The following NKX3-2 variants were observed in gnomAD, a reference collection of about 807,000 sequenced individuals.
NKX3-2 encodes NK3 homeobox 2, also known as homeobox protein Nkx-3.2.
In NKX3-2, 13 loss-of-function variants were observed where a neutral mutation model predicts 19.4. That is an observed-to-expected ratio of 0.67 (90% CI 0.44 to 1.07). The LOEUF (loss-of-function observed/expected upper bound fraction) is 1.07, where lower values mean the gene tolerates loss of function less well. Among genes scored for constraint, NKX3-2 ranks in the 50% least tolerant of loss-of-function variants. The pLI is 0.00. For missense variants in NKX3-2, 562 were observed against 488.2 expected, an observed-to-expected ratio of 1.15 and a Z score of -1.42; for synonymous variants, 269 against 230.5, an observed-to-expected ratio of 1.17 and a Z score of -1.51.
In NKX3-2 at chr4:13,542,439, C is replaced by T. The variant is rs749333309; in HGVS notation, c.556G>A (p.Gly186Ser). 1.3e-6 allele frequency: 2 copies of T among 1,561,666 alleles called. No individual in the cohort carries two copies. The highest frequency in any genetic ancestry group is 1.4e-5 in the African/African-American group (1 of 73,334). ...TCCGCGACGCCTGCCGGCCCGCTGCCGCCCCCGCCGCCGGCCCCGCTGCAC... is the reference window on the plus strand; with the variant it reads ...TCCGCGACGCCTGCCGGCCCGCTGCTGCCCCCGCCGCCGGCCCCGCTGCAC... ...ALCSGAGGGG[G>S]SGPAGVAEEE... Residue 186 changes from glycine (G) to serine (S), a missense_variant, in exon 2 of 2, where the codon GGC (glycine) becomes AGC (serine). Physicochemically the swap from Gly to Ser is moderately conservative, Grantham distance 56 (BLOSUM62 0). Transcript: ENST00000382438. The surrounding 1 kb of genome is among the most constrained non-coding windows in gnomAD (Gnocchi z 6.4).
In NKX3-2 at chr4:13,543,804, C is replaced by A. The variant is rs554334123; in HGVS notation, c.466+145G>T. ...CAGTTCCCGAAGTGATAGAGCAGCT[C>A]GCGCCAGAGCGCAGAACTTCGGGAT... On this transcript the variant is annotated intron_variant, in intron 1 of 1. Coordinates refer to ENST00000382438, the MANE Select transcript of NKX3-2 (RefSeq NM_001189.4). The surrounding 1 kb of genome is among the most constrained non-coding windows in gnomAD (Gnocchi z 7.1). 5.4e-6 allele frequency: 4 copies of A among 737,916 alleles called. No individual in the cohort carries two copies. The highest frequency in any genetic ancestry group is 3.7e-5 in the African/African-American group (2 of 53,420). The allele number at this position is 737,916 out of a possible 1,614,324, so 45.7% of individuals were successfully genotyped here.
Position 13,544,220 on chromosome 4 carries a change from G to T in NKX3-2, c.195C>A (p.Gly65=). 3.1e-6 allele frequency: 5 copies of T among 1,592,754 alleles called. No homozygotes were observed. In the East Asian group the frequency reaches 9.1e-5, roughly 29 times the overall value. Residue 65 remains glycine (G), a synonymous_variant, in exon 1 of 2, where the codon GGC becomes GGA. Transcript: ENST00000382438. The stretch of plus-strand genomic sequence containing the variant: ...GAGACGCCAGCAGAGAGTCCTCGGC[G>T]CCCCCCAACGCGCCCGCGTCCCTCT... ...FGERDAGALG[G]AEDSLLASPA...
Position 13,542,426 on chromosome 4 carries a change from G to C in NKX3-2, c.569C>G (p.Ala190Gly), listed in dbSNP as rs1294851494. The change falls in exon 2 of 2, where the codon GCA (alanine) becomes GGA (glycine). Residue 190 changes from alanine (A) to glycine (G), a missense_variant. By Grantham distance (60) the Ala-to-Gly change is moderately conservative (BLOSUM62 0). Transcript: ENST00000382438. This position sits in a 1 kb window ranked among gnomAD's most constrained non-coding sequence, Gnocchi z 6.4. ...CTCCTCCTCCTCCTCCGCGACGCCT[G>C]CCGGCCCGCTGCCGCCCCCGCCGCC... ...GAGGGGGSGP[A>G]GVAEEEEEPA... 7 of 1,544,336 alleles carry C rather than the reference G, an allele frequency of 4.5e-6. No individual in the cohort carries two copies. The highest frequency in any genetic ancestry group is 5.2e-6 in the Non-Finnish European group (6 of 1,151,824).
chr4:13,544,127 C>G lies in NKX3-2; in HGVS notation c.288G>C (p.Ala96=), dbSNP rs1458203761. 1 of 1,603,780 alleles carries G rather than the reference C, an allele frequency of 6.2e-7. No homozygotes were observed. The highest frequency in any genetic ancestry group is 1.1e-5 in the South Asian group (1 of 89,818). The change falls in exon 1 of 2, where the codon GCG becomes GCC. Residue 96 remains alanine (A), a synonymous_variant. Transcript: ENST00000382438. ...GCCTGCTCTCGTTCTCCTCGCTGAG[C>G]GCGGAGTCCGAGTCCCAGCCTTCCG... The part of the protein sequence containing the change: ...ESPEGWDSDS[A]LSEENESRRR...
rs1718020629 is a variant in NKX3-2, at chr4:13,542,696, T to C, written c.467-168A>G. 6.6e-6 allele frequency among the ~76,000 whole-genome samples: 1 copy of C among 152,132 alleles called. No individual in the cohort carries two copies. The highest frequency in any genetic ancestry group is 1.5e-5 in the Non-Finnish European group (1 of 68,022). ...TGGGCCCGGGAGACCAGTCTTAGAC[T>C]CTTGCCCCACTGGGTATCCCATCTA... On this transcript the variant is annotated intron_variant, in intron 1 of 1. Transcript: ENST00000382438. This position sits in a 1 kb window ranked among gnomAD's most constrained non-coding sequence, Gnocchi z 6.4.
chr4:13,544,793 G>T (rs1718088334), upstream of NKX3-2: 1 of 160,464 alleles, frequency 6.2e-6, no homozygotes, highest in Non-Finnish European at 1.4e-5. Flanking sequence ...CCCGAGCGCC[G>T]CCGGGGCGCA....
chr4:13,541,974 T>G lies in NKX3-2; in HGVS notation c.*19A>C. 6.4e-7 allele frequency: 1 copy of G among 1,566,098 alleles called. No homozygotes were observed. The highest frequency in any genetic ancestry group is 2.4e-5 in the East Asian group (1 of 41,534). Reference sequence around the variant, plus strand: ...GAGCCGGAGCGCGGGAATCACTCGCTGCCTCAGCCCAAGCGGGTTCACTGG... The same window carrying G: ...GAGCCGGAGCGCGGGAATCACTCGCGGCCTCAGCCCAAGCGGGTTCACTGG... On this transcript the variant is annotated 3_prime_UTR_variant, in exon 2 of 2. Transcript: ENST00000382438.
In NKX3-2 at chr4:13,543,906, A is replaced by G; in HGVS notation, c.466+43T>C. 6.8e-7 allele frequency: 1 copy of G among 1,463,538 alleles called. No homozygotes were observed. Among genetic ancestry groups the G allele is most frequent in the South Asian group, 1.3e-5 (1 of 74,868 alleles). The allele number at this position is 1,463,538 out of a possible 1,614,324, so 90.7% of individuals were successfully genotyped here. A position where few individuals can be genotyped will look rare whatever the true frequency, so the allele number is the denominator to read the frequency against. On this transcript the variant is annotated intron_variant, in intron 1 of 1. Coordinates refer to ENST00000382438, the MANE Select transcript of NKX3-2 (RefSeq NM_001189.4). This position sits in a 1 kb window ranked among gnomAD's most constrained non-coding sequence, Gnocchi z 7.1. ...CTCGGCGTGGTTGCCCTCCGCGTCC[A>G]TCCCCTCAGCCCGGCCCCCATCCCC...
Position 13,541,752 on chromosome 4 carries a change from G to A in NKX3-2, c.*241C>T. 3.9e-6 allele frequency: 2 copies of A among 508,518 alleles called. No homozygotes were observed. The highest frequency in any genetic ancestry group is 6.9e-6 in the Non-Finnish European group (2 of 289,830). 31.5% of individuals were successfully genotyped at this position (508,518 alleles called of 1,614,324 possible). On this transcript the variant is annotated 3_prime_UTR_variant, in exon 2 of 2. Transcript: ENST00000382438. ...AATAGAGCCCAGGGGCTTCCAGGCA[G>A]GTGGGCGATCAGGGCCCCTAGGCCA...
In NKX3-2 at chr4:13,544,348, C is replaced by T. The variant is rs763305571; in HGVS notation, c.67G>A (p.Glu23Lys). ...TCTGGCGCGGCCAGCCCGCCGCGCT[C>T]CTCTTTCTTGTTGAGGATCGCCTGG... Reference protein sequence around the residue: ...SIQAILNKKEERGGLAAPEGR... With the variant: ...SIQAILNKKEKRGGLAAPEGR... Residue 23 changes from glutamate (E) to lysine (K), a missense_variant, in exon 1 of 2, where the codon GAG (glutamate) becomes AAG (lysine). Physicochemically the swap from Glu to Lys is moderately conservative, Grantham distance 56 (BLOSUM62 1). Transcript: ENST00000382438. The T allele has an allele frequency of 2.6e-6, 4 of 1,541,598 alleles. No homozygotes were observed. The highest frequency in any genetic ancestry group is 3.5e-6 in the Non-Finnish European group (4 of 1,152,338).
At position 13,541,491 on chromosome 4, in the gene NKX3-2, G is replaced by A. The variant is rs1344383000; in HGVS notation, c.*502C>T. ...CCTGGTGCTGCCTGGGACTGCCAGG[G>A]TTTCGCACCCCTTGGTTACAAATGC... On this transcript the variant is annotated 3_prime_UTR_variant, in exon 2 of 2. Transcript: ENST00000382438. 1 of 152,760 alleles carries A rather than the reference G, an allele frequency of 6.5e-6. No homozygotes were observed. The highest frequency in any genetic ancestry group is 6.5e-5 in the Admixed American group (1 of 15,320). 9.5% of individuals were successfully genotyped at this position (152,760 alleles called of 1,614,324 possible). A position where few individuals can be genotyped will look rare whatever the true frequency, so the allele number is the denominator to read the frequency against.
Position 13,541,496 on chromosome 4 carries a change from G to C in NKX3-2, c.*497C>G, listed in dbSNP as rs940334273. On this transcript the variant is annotated 3_prime_UTR_variant, in exon 2 of 2. Transcript: ENST00000382438. ...TGCTGCCTGGGACTGCCAGGGTTTC[G>C]CACCCCTTGGTTACAAATGCAATTT... 1 of 152,676 alleles carries C rather than the reference G, an allele frequency of 6.5e-6. No homozygotes were observed. Among genetic ancestry groups the C allele is most frequent in the African/African-American group, 2.4e-5 (1 of 41,434 alleles). The allele number at this position is 152,676 out of a possible 1,614,324, so 9.5% of individuals were successfully genotyped here.
Position 13,544,462 on chromosome 4 carries a change from G to C in NKX3-2, c.-48C>G. On this transcript the variant is annotated 5_prime_UTR_variant, in exon 1 of 2. Coordinates refer to ENST00000382438, the MANE Select transcript of NKX3-2 (RefSeq NM_001189.4). ...CGGCGGGGCGGGCAGCTGGGGCGCC[G>C]AGCAGCTCCGAGCGGGACAGAGAGC... 7.4e-7 allele frequency: 1 copy of C among 1,354,436 alleles called. No individual in the cohort carries two copies. Among genetic ancestry groups the C allele is most frequent in the Non-Finnish European group, 9.6e-7 (1 of 1,046,202 alleles). The allele number at this position is 1,354,436 out of a possible 1,614,324, so 83.9% of individuals were successfully genotyped here.
chr4:13,542,355 A>G lies in NKX3-2; in HGVS notation c.640T>C (p.Ser214Pro). Residue 214 changes from serine to proline, a missense_variant, in exon 2 of 2, where the codon TCC becomes CCC. By Grantham distance (74) the Ser-to-Pro change is moderately conservative. Transcript: ENST00000382438. The surrounding 1 kb of genome is among the most constrained non-coding windows in gnomAD (Gnocchi z 6.4). ...PRKKRSRAAF[S>P]HAQVFELERR... is the part of the protein sequence containing the mutation. Reference sequence around the variant, plus strand: ...TCCAGCTCGAAGACCTGCGCGTGGGAGAAAGCGGCCCGCGAGCGCTTCTTG... The same window carrying G: ...TCCAGCTCGAAGACCTGCGCGTGGGGGAAAGCGGCCCGCGAGCGCTTCTTG... 2 of 1,537,644 alleles carry G rather than the reference A, an allele frequency of 1.3e-6. No individual in the cohort carries two copies. Among genetic ancestry groups the G allele is most frequent in the Non-Finnish European group, 8.7e-7 (1 of 1,144,234 alleles).
rs138460070 is a variant in NKX3-2, at chr4:13,544,424, G to T, written c.-10C>A. ...CGCCGCGCACAGCCATCTGCGCCGC[G>T]GGCAGGAGCGGCCGGCGGGGCGGGC... On this transcript the variant is annotated 5_prime_UTR_variant, in exon 1 of 2. Transcript: ENST00000382438. 35,435 of 1,492,070 alleles carry T rather than the reference G, an allele frequency of 0.024. 584 individuals are homozygous for T. The highest frequency in any genetic ancestry group is 0.07 in the African/African-American group (4,844 of 69,252). 92.4% of individuals were successfully genotyped at this position (1,492,070 alleles called of 1,614,324 possible).
chr4:13,547,202 G>C (rs748948375), upstream of NKX3-2: 1 of 456,398 alleles, frequency 2.2e-6, no homozygotes, highest in East Asian at 7.0e-5. Context: ...CGTAACTACG[G>C]AGTCCAGGCC....
At position 13,541,976 on chromosome 4, in the gene NKX3-2, C is replaced by T. The variant is rs1414452006; in HGVS notation, c.*17G>A. ...GCCGGAGCGCGGGAATCACTCGCTG[C>T]CTCAGCCCAAGCGGGTTCACTGGGT... is the stretch of plus-strand genomic sequence containing the variant. On this transcript the variant is annotated 3_prime_UTR_variant, in exon 2 of 2. Transcript: ENST00000382438. The T allele has an allele frequency of 2.6e-6, 4 of 1,567,428 alleles. No homozygotes were observed. The highest frequency in any genetic ancestry group is 3.8e-5 in the Admixed American group (2 of 53,256).
rs539850151 is a variant in NKX3-2, at chr4:13,544,335, A to G, written c.80T>C (p.Leu27Pro). 234 of 1,532,582 alleles carry G rather than the reference A, an allele frequency of 1.5e-4. 3 individuals carry two copies. Among genetic ancestry groups the G allele is most frequent in the Middle Eastern group, 1.4e-3 (6 of 4,314 alleles). The allele number at this position is 1,532,582 out of a possible 1,614,324, so 94.9% of individuals were successfully genotyped here. A position where few individuals can be genotyped will look rare whatever the true frequency, so the allele number is the denominator to read the frequency against. ...ILNKKEERGG[L>P]AAPEGRPAPG... is the part of the protein sequence containing the mutation. ...CGCCGGGCGCCCCTCTGGCGCGGCC[A>G]GCCCGCCGCGCTCCTCTTTCTTGTT... Residue 27 changes from leucine to proline, a missense_variant, in exon 1 of 2, where the codon CTG becomes CCG. Coordinates refer to ENST00000382438, the MANE Select transcript of NKX3-2 (RefSeq NM_001189.4).
chr4:13,544,223 C>A lies in NKX3-2; in HGVS notation c.192G>T (p.Gly64=). 2 of 1,591,756 alleles carry A rather than the reference C, an allele frequency of 1.3e-6. No individual in the cohort carries two copies. Among genetic ancestry groups the A allele is most frequent in the Non-Finnish European group, 8.5e-7 (1 of 1,176,320 alleles). The change falls in exon 1 of 2, where the codon GGG becomes GGT. Residue 64 remains glycine (G), a synonymous_variant. Coordinates refer to ENST00000382438, the MANE Select transcript of NKX3-2 (RefSeq NM_001189.4). Reference sequence around the variant, plus strand: ...ACGCCAGCAGAGAGTCCTCGGCGCCCCCCAACGCGCCCGCGTCCCTCTCCC... The same window carrying A: ...ACGCCAGCAGAGAGTCCTCGGCGCCACCCAACGCGCCCGCGTCCCTCTCCC... ...LFGERDAGAL[G]GAEDSLLASP... is the part of the protein sequence containing the mutation.
Sources: gnomAD v4.1 joint callset for allele counts (sites outside exome capture counted in the v4.1 genomes callset) on GRCh38, gnomAD v4.1.1 for gene constraint, Gnocchi (gnomAD v3.1) non-coding constraint, MANE v1.5 for transcripts, NCBI Gene and HGNC (gene_info 2026-07-23, HGNC 2026-07-21) for gene names.